Variants in KCNG2 observed in about 807,000 individuals in gnomAD.
The protein encoded by KCNG2 is potassium voltage-gated channel modifier subfamily G member 2, also known as voltage-gated potassium channel regulatory subunit KCNG2.
Under a neutral mutation model 12.3 loss-of-function variants are expected in KCNG2, and 7 were observed. The ratio of observed to expected loss-of-function variants is 0.57; its 90% CI spans 0.32 to 1.07. The LOEUF (loss-of-function observed/expected upper bound fraction) is 1.07, where lower values mean the gene tolerates loss of function less well. KCNG2 is among the 50% of genes least tolerant of loss of function. The probability of loss-of-function intolerance (pLI) is 0.04; values close to 1 mark genes in which losing one functional copy is unlikely to be tolerated. For synonymous variants in KCNG2, 414 were observed against 351.4 expected, an observed-to-expected ratio of 1.18 and a Z score of -1.99; for missense variants, 703 against 726.0, an observed-to-expected ratio of 0.97 and a Z score of 0.36.
Position 79,800,857 on chromosome 18 carries a change from G to C in KCNG2, c.-115+2843G>C, listed in dbSNP as rs896759482. ...CCGAAGCAAATGTCAAGTCAAAATG[G>C]GTCCCCGGCGGGGCCAGGAGAACAC... On this transcript the variant is annotated intron_variant, in intron 1 of 3. Transcript: ENST00000316249. The surrounding 1 kb of genome is among the most constrained non-coding windows in gnomAD (Gnocchi z 4.0). Among the ~76,000 whole-genome samples the C allele has an allele frequency of 6.6e-6, 1 of 152,210 alleles. No homozygotes were observed. Among genetic ancestry groups the C allele is most frequent in the Non-Finnish European group, 1.5e-5 (1 of 68,044 alleles).
chr18:79,819,147 G>A (rs957752954), intron 1 of KCNG2, among the ~76,000 whole-genome samples: 2 of 152,236 alleles, frequency 1.3e-5, no homozygotes, highest in African/African-American at 4.8e-5. Context: ...TAGCTATGGG[G>A]TGATAGGACC....
chr18:79,894,954 A>T (rs1254452346), intron 3 of KCNG2, among the ~76,000 whole-genome samples: 2 of 146,792 alleles, frequency 1.4e-5, no homozygotes, highest in Non-Finnish European at 3.0e-5. Context: ...GTTACGATTG[A>T]TATAGTGGGG....
At chr18:79,820,136 G>A (rs1236539110) in intron 1 of KCNG2, among the ~76,000 whole-genome samples, 4 of 152,236 alleles carry the variant, frequency 2.6e-5, no homozygotes, top group Non-Finnish European at 5.9e-5. Flanking sequence ...TTGGCGACAC[G>A]TGGGCTGTCC....
Position 79,863,899 on chromosome 18 carries a change from T to C in KCNG2, c.232T>C (p.Phe78Leu). 1.4e-6 allele frequency: 2 copies of C among 1,444,740 alleles called. No individual in the cohort carries two copies. Among genetic ancestry groups the C allele is most frequent in the Non-Finnish European group, 1.8e-6 (2 of 1,094,872 alleles). 89.5% of individuals were successfully genotyped at this position (1,444,740 alleles called of 1,614,324 possible). The change falls in exon 3 of 4, where the codon TTC becomes CTC. Residue 78 changes from phenylalanine to leucine, a missense_variant. Transcript: ENST00000316249. ...EFFFDRSPCA[F>L]RAIVALLRAG... ...CTTCTTCGACCGCAGCCCGTGCGCC[T>C]TCCGCGCCATCGTGGCGCTTTTGCG...
At chr18:79,861,273 CTTTTTTT>C (rs56348625) in intron 2 of KCNG2, among the ~76,000 whole-genome samples, 6 of 76,970 alleles carry the variant, frequency 7.8e-5, no homozygotes, top group African/African-American at 2.8e-4. Context: ...CTCTCTCTCT[CTTTTTTT>C]TTTTTTTTTT....
intron 1 of KCNG2, among the ~76,000 whole-genome samples, chr18:79,799,216 A>G (rs527420078): frequency 6.6e-6 from 1 of 152,294 alleles, no homozygotes; most frequent in East Asian, 1.9e-4. Context: ...AGCCCTGCCC[A>G]GGCAGCTGGG....
chr18:79,841,287 C>G (rs944048530), intron 1 of KCNG2, among the ~76,000 whole-genome samples: 4 of 151,952 alleles, frequency 2.6e-5, no homozygotes, highest in Non-Finnish European at 5.9e-5. Context: ...AGAGCAAGAC[C>G]CTATCTCATA....
intron 2 of KCNG2, among the ~76,000 whole-genome samples, chr18:79,857,251 C>T (rs1979048445): frequency 1.3e-5 from 2 of 149,626 alleles, no homozygotes; most frequent in African/African-American, 5.0e-5. Context: ...TGACCACGTC[C>T]CCCCTCTTCT....
At position 79,899,468 on chromosome 18, in the gene KCNG2, C is replaced by T. The variant is rs745748032; in HGVS notation, c.1053C>T (p.Arg351=). Residue 351 remains arginine, a synonymous_variant, in exon 4 of 4, where the codon CGC becomes CGT. Transcript: ENST00000316249. The stretch of plus-strand genomic sequence containing the variant: ...CCGAGCGCGAGCTGGGCGCGCGCCG[C>T]GACTTCTCCAGCGTGCCCGCCAGCT... ...HLAERELGAR[R]DFSSVPASYW... 4 of 1,605,752 alleles carry T rather than the reference C, an allele frequency of 2.5e-6. No homozygotes were observed. Among genetic ancestry groups the T allele is most frequent in the Non-Finnish European group, 3.4e-6 (4 of 1,177,006 alleles).
At chr18:79,866,511 G>GA (rs1979562211) in intron 3 of KCNG2, among the ~76,000 whole-genome samples, 1 of 139,994 alleles carries the variant, frequency 7.1e-6, no homozygotes, top group African/African-American at 2.7e-5. Flanking sequence ...TGGGTGCTGA[G>GA]GTCTGGGTGC....
At chr18:79,893,369 CTG>C (rs950804924) in intron 3 of KCNG2, among the ~76,000 whole-genome samples, 48 of 129,074 alleles carry the variant, frequency 3.7e-4, no homozygotes, top group African/African-American at 1.2e-3. Flanking sequence ...ATCGTTGGGT[CTG>C]TGTCTGCTTT....
At chr18:79,872,596 A>G (rs1599416379) in intron 3 of KCNG2, among the ~76,000 whole-genome samples, 2 of 152,076 alleles carry the variant, frequency 1.3e-5, no homozygotes, top group Non-Finnish European at 2.9e-5. Flanking sequence ...TTCTTTTTCC[A>G]TAAAATCCCT....
intron 3 of KCNG2, among the ~76,000 whole-genome samples, chr18:79,867,828 C>T (rs141797967): frequency 4.5e-4 from 68 of 152,280 alleles, no homozygotes; most frequent in Non-Finnish European, 8.2e-4. Context: ...GAGACCCCTC[C>T]ACCCCTCGGG....
At chr18:79,860,680 T>C (rs75512514) in intron 2 of KCNG2, among the ~76,000 whole-genome samples, 2,492 of 143,972 alleles carry the variant, frequency 0.017, 64 homozygotes, top group African/African-American at 0.055. Flanking sequence ...TGTGTGTGTG[T>C]GCGCATGTGT....
chr18:79,876,693 A>G (rs958692263), intron 3 of KCNG2, among the ~76,000 whole-genome samples: 3 of 152,242 alleles, frequency 2.0e-5, no homozygotes, highest in Middle Eastern at 6.8e-3. Flanking sequence ...GTGAATCATC[A>G]ACGACACCCT....
rs988048598 is a variant in KCNG2 at position 79,884,587 on chromosome 18, G to A, written c.625-14453G>A. ...GGGCGTGGCAGCTCCCCAGGCCCAC[G>A]GGGCAGGAATTCTAGATTCTGGGAT... On this transcript the variant is annotated intron_variant, in intron 3 of 3. Coordinates refer to ENST00000316249, the MANE Select transcript of KCNG2 (RefSeq NM_012283.2). The surrounding 1 kb of genome is among the most constrained non-coding windows in gnomAD (Gnocchi z 5.5). Among the ~76,000 whole-genome samples, 14 of 152,328 alleles carry A rather than the reference G, an allele frequency of 9.2e-5. No homozygotes were observed. The highest frequency in any genetic ancestry group is 1.6e-4 in the Non-Finnish European group (11 of 68,020).
At chr18:79,823,515 T>C (rs2087587756) in intron 1 of KCNG2, among the ~76,000 whole-genome samples, 1 of 152,192 alleles carries the variant, frequency 6.6e-6, no homozygotes, top group Non-Finnish European at 1.5e-5. Flanking sequence ...AGAAATGGTA[T>C]CTCAGTATTG....
chr18:79,809,450 G>A (rs2087475268), intron 1 of KCNG2, among the ~76,000 whole-genome samples: 1 of 145,766 alleles, frequency 6.9e-6, no homozygotes, highest in Non-Finnish European at 1.5e-5. Context: ...CTCGCCCTGA[G>A]GAGCTGCCGG....
chr18:79,813,143 A>G (rs2087505078), intron 1 of KCNG2, among the ~76,000 whole-genome samples: 1 of 152,240 alleles, frequency 6.6e-6, no homozygotes, highest in Non-Finnish European at 1.5e-5. Flanking sequence ...TGAGAGGGTG[A>G]GACTCCATCT....
Sources: allele counts gnomAD v4.1 joint callset (sites outside exome capture counted in the v4.1 genomes callset), GRCh38; gene constraint gnomAD v4.1.1; non-coding constraint Gnocchi (gnomAD v3.1); transcripts MANE v1.5; gene names NCBI Gene and HGNC (gene_info 2026-07-23, HGNC 2026-07-21).